Variants in EYA3 observed in about 807,000 individuals in gnomAD.
EYA3 encodes the protein EYA transcriptional coactivator and phosphatase 3.
EYA3 carries 39 observed loss-of-function variants against 80.0 expected under a neutral mutation model. That is an observed-to-expected ratio of 0.49 (90% CI 0.38 to 0.64). The LOEUF (loss-of-function observed/expected upper bound fraction) is 0.64. Among genes scored for constraint, EYA3 ranks in the 30% least tolerant of loss-of-function variants. The pLI is 0.00. For synonymous variants in EYA3, 206 were observed against 232.8 expected (o/e 0.88, Z 1.05); for missense variants, 523 against 676.1 (o/e 0.77, Z 2.51).
At chr1:28,038,125 C>T (rs1643552786) in intron 5 of EYA3, among the ~76,000 whole-genome samples, 1 of 152,122 alleles carries the variant, frequency 6.6e-6, no homozygotes. Flanking sequence ...CCCGGTTCTA[C>T]TCTGAGGACA....
chr1:27,979,553 C>A (rs890791965), intron 16 of EYA3, among the ~76,000 whole-genome samples: 2 of 152,132 alleles, frequency 1.3e-5, no homozygotes, highest in Non-Finnish European at 2.9e-5. Flanking sequence ...GCAACCAACA[C>A]CTAAAACATA....
At chr1:27,977,172 C>T in intron 17 of EYA3, 1 of 1,445,118 alleles carries the variant, frequency 6.9e-7, no homozygotes, top group Non-Finnish European at 9.1e-7. Context: ...CAACAAGAAG[C>T]ACTTTAGAAT....
chr1:28,084,566 TATATATATATATATATATATATATATATA>T (rs2148962885), intron 1 of EYA3, among the ~76,000 whole-genome samples: 2 of 8,360 alleles, frequency 2.4e-4, no homozygotes, highest in East Asian at 6.0e-3. Context: ...AATATATATA[TATATATATATATATATATATATATATATA>T]TTTTTTTTTT....
chr1:27,990,834 A>C (rs888470713), intron 14 of EYA3, among the ~76,000 whole-genome samples: 1 of 150,442 alleles, frequency 6.6e-6, no homozygotes, highest in African/African-American at 2.4e-5. Flanking sequence ...TACAGGTGTG[A>C]GCCACCGTGC....
chr1:28,022,738 A>G (rs957043618), intron 7 of EYA3, among the ~76,000 whole-genome samples: 6 of 152,010 alleles, frequency 3.9e-5, no homozygotes, highest in Non-Finnish European at 8.8e-5. Flanking sequence ...TTTTTGAGAC[A>G]GGGTCTCACT....
chr1:28,076,625 A>C (rs1645212876), intron 1 of EYA3, among the ~76,000 whole-genome samples: 1 of 144,402 alleles, frequency 6.9e-6, no homozygotes, highest in Non-Finnish European at 1.5e-5. Context: ...CTGAGATCGC[A>C]CCACTGCACT....
intron 1 of EYA3, among the ~76,000 whole-genome samples, chr1:28,077,698 C>A (rs1645273714): frequency 1.3e-5 from 2 of 152,164 alleles, no homozygotes; most frequent in South Asian, 4.2e-4. Context: ...TTTAAAAAAT[C>A]TGTTTGAAGA....
At chr1:28,053,012 G>T (rs1173664464) in intron 2 of EYA3, among the ~76,000 whole-genome samples, 2 of 151,630 alleles carry the variant, frequency 1.3e-5, no homozygotes, top group African/African-American at 4.8e-5. Context: ...AAAACAATTG[G>T]GTGTGGTGGC....
At chr1:28,011,505 G>A (rs1641695089) in intron 9 of EYA3, among the ~76,000 whole-genome samples, 1 of 152,136 alleles carries the variant, frequency 6.6e-6, no homozygotes, top group Non-Finnish European at 1.5e-5. Flanking sequence ...CTACCCACTA[G>A]ATGCCAGAAG....
chr1:28,079,120 G>C lies in EYA3; in HGVS notation c.-69+9404C>G, dbSNP rs514745. On this transcript the variant is annotated intron_variant, in intron 1 of 17. Coordinates refer to ENST00000373871, the MANE Select transcript of EYA3 (RefSeq NM_001990.4). The stretch of plus-strand genomic sequence containing the variant: ...AGTATGAGTATGAGTTAACACAAGT[G>C]AAGTGCTTTAAATAGTGCCTGGCAC... 1.1e-4 allele frequency among the ~76,000 whole-genome samples: 17 copies of C among 152,280 alleles called. 1 individual carries two copies. In the South Asian group the frequency reaches 2.7e-3, roughly 24 times the overall value.
chr1:28,018,185 G>C (rs1642197045), intron 7 of EYA3, among the ~76,000 whole-genome samples: 1 of 150,760 alleles, frequency 6.6e-6, no homozygotes, highest in African/African-American at 2.4e-5. Context: ...GACAGAGCAA[G>C]ACTCTGTCTC....
Position 28,073,212 on chromosome 1 carries a change from A to T in EYA3, c.-68-15118T>A, listed in dbSNP as rs192824932. ...CAGTGGCGTGATCTTGGCTCACTGC[A>T]AGCTCCACCTCCCAGGTTCATGCAA... On this transcript the variant is annotated intron_variant, in intron 1 of 17. Transcript: ENST00000373871. Among the ~76,000 whole-genome samples, 301 of 135,474 alleles carry T rather than the reference A, an allele frequency of 2.2e-3. 1 individual carries two copies. The highest frequency in any genetic ancestry group is 3.5e-3 in the Non-Finnish European group (224 of 64,732). 88.9% of individuals were successfully genotyped at this position (135,474 alleles called of 152,430 possible).
At chr1:27,979,106 T>C (rs903667157) in intron 16 of EYA3, among the ~76,000 whole-genome samples, 2 of 152,188 alleles carry the variant, frequency 1.3e-5, no homozygotes, top group African/African-American at 4.8e-5. Flanking sequence ...AACAAGCAAG[T>C]AGCTAGAACT....
intron 1 of EYA3, among the ~76,000 whole-genome samples, chr1:28,059,644 T>C (rs930831309): frequency 1.3e-5 from 2 of 151,694 alleles, no homozygotes; most frequent in Non-Finnish European, 2.9e-5. Flanking sequence ...TATTATTTCA[T>C]CCCATTAGAA....
At chr1:28,034,110 G>A (rs1390156592) in intron 6 of EYA3, among the ~76,000 whole-genome samples, 1 of 151,768 alleles carries the variant, frequency 6.6e-6, no homozygotes, top group Non-Finnish European at 1.5e-5. Flanking sequence ...TAGTTTAAGG[G>A]AAATATAGTG....
intron 14 of EYA3, among the ~76,000 whole-genome samples, chr1:27,992,462 G>A (rs1640143278): frequency 6.6e-6 from 1 of 152,128 alleles, no homozygotes; most frequent in Admixed American, 6.6e-5. Context: ...TCACTTGCCG[G>A]CCTGCTCACT....
chr1:27,998,495 CA>C (rs1253019331), intron 12 of EYA3: 17 of 171,886 alleles, frequency 9.9e-5, no homozygotes, highest in Non-Finnish European at 2.0e-4. Context: ...GGAGTTTAGA[CA>C]AAAGTACTGG....
At chr1:28,003,935 T>C (rs906793685) in intron 11 of EYA3, among the ~76,000 whole-genome samples, 3 of 152,190 alleles carry the variant, frequency 2.0e-5, no homozygotes, top group Non-Finnish European at 4.4e-5. Flanking sequence ...CTTATATATA[T>C]CTGGCATATA....
intron 9 of EYA3, among the ~76,000 whole-genome samples, chr1:28,011,734 C>T (rs1018608991): frequency 3.9e-5 from 6 of 152,040 alleles, no homozygotes; most frequent in Admixed American, 2.6e-4. Context: ...GAAAAAGAGA[C>T]GGGAGGATTT....
Sources: gnomAD v4.1 joint callset for allele counts (sites outside exome capture counted in the v4.1 genomes callset) on GRCh38, gnomAD v4.1.1 for gene constraint, MANE v1.5 for transcripts, NCBI Gene and HGNC (gene_info 2026-07-23, HGNC 2026-07-21) for gene names.